Variants in ZNF540 observed in about 807,000 individuals in gnomAD.
ZNF540 encodes CTD-3064H18.6.
In ZNF540, 3 loss-of-function variants were observed where a neutral mutation model predicts 11.8. The ratio of observed to expected loss-of-function variants is 0.25; its 90% CI spans 0.12 to 0.65. The LOEUF (loss-of-function observed/expected upper bound fraction) is 0.65, where lower values mean the gene tolerates loss of function less well. Ranked by LOEUF, ZNF540 falls within the 30% of genes least tolerant of loss-of-function variation. The pLI, the probability that ZNF540 is intolerant of heterozygous loss-of-function variation, is 0.83. For missense variants in ZNF540, 709 were observed against 793.1 expected (o/e 0.89, Z 1.27); for synonymous variants, 247 against 259.0 (o/e 0.95, Z 0.45).
chr19:37,609,331 CAG>C (rs779478572), intron 4 of ZNF540, among the ~76,000 whole-genome samples: 5 of 151,888 alleles, frequency 3.3e-5, no homozygotes, highest in Non-Finnish European at 7.4e-5. Flanking sequence ...ATCACAAGGT[CAG>C]GGGTTTGAGA....
upstream of ZNF540, among the ~76,000 whole-genome samples, chr19:37,591,005 G>A (rs1161997991): frequency 6.6e-6 from 1 of 152,146 alleles, no homozygotes; most frequent in Non-Finnish European, 1.5e-5. Flanking sequence ...ATAAAACAGA[G>A]ATACAAGTAT....
intron 1 of ZNF540, among the ~76,000 whole-genome samples, chr19:37,595,923 G>A (rs1041972375): frequency 3.3e-5 from 5 of 152,148 alleles, no homozygotes; most frequent in African/African-American, 1.2e-4. Context: ...TTCAAGATTT[G>A]AAGGGGGTAA....
chr19:37,558,314 T>C lies in ZNF540; in HGVS notation c.-73+6649T>C, dbSNP rs533952707. ...GCTGACTGATATTCATTCCAGCAAA[T>C]CCCTCCAGTTTTTGGAGTTTTCTTT... On this transcript the variant is annotated intron_variant, in intron 1 of 4. Transcript: ENST00000592533. 9.2e-5 allele frequency among the ~76,000 whole-genome samples: 14 copies of C among 152,276 alleles called. 1 individual carries two copies. In the South Asian group the frequency reaches 2.9e-3, roughly 32 times the overall value.
intron 1 of ZNF540, among the ~76,000 whole-genome samples, chr19:37,579,852 G>A (rs1202891114): frequency 6.6e-6 from 1 of 152,094 alleles, no homozygotes; most frequent in Non-Finnish European, 1.5e-5. Flanking sequence ...GCTGGAGGAG[G>A]AGATCCAATT....
intron 2 of ZNF540, among the ~76,000 whole-genome samples, chr19:37,598,943 T>A (rs1414423330): frequency 1.3e-5 from 2 of 152,184 alleles, no homozygotes; most frequent in Admixed American, 6.5e-5. Context: ...TTAAACGGAA[T>A]GTGCTAGTCT....
chr19:37,559,013 T>G (rs928611390), intron 1 of ZNF540, among the ~76,000 whole-genome samples: 8 of 152,082 alleles, frequency 5.3e-5, no homozygotes, highest in Non-Finnish European at 1.0e-4. Flanking sequence ...CTGGCTAACT[T>G]TTGTATTGTT....
At chr19:37,609,573 C>T (rs1008773800) in intron 4 of ZNF540, among the ~76,000 whole-genome samples, 1 of 150,618 alleles carries the variant, frequency 6.6e-6, no homozygotes, top group Non-Finnish European at 1.5e-5. Flanking sequence ...AGTGGCCGGG[C>T]GCAGTGGCTC....
At chr19:37,586,890 A>C in intron 1 of ZNF540, 1 of 597,236 alleles carries the variant, frequency 1.7e-6, no homozygotes, top group South Asian at 2.1e-5. Flanking sequence ...CAGCTACTGC[A>C]GAAGGGGTTC....
chr19:37,586,014 C>T (rs2043660041), intron 1 of ZNF540: 1 of 152,236 alleles, frequency 6.6e-6, no homozygotes, highest in African/African-American at 2.4e-5. Flanking sequence ...CCTCTAGAAC[C>T]TCCAGAAGGA....
At chr19:37,565,707 G>A (rs756098294) in intron 1 of ZNF540, 7 of 1,613,820 alleles carry the variant, frequency 4.3e-6, no homozygotes, top group Non-Finnish European at 2.5e-6. Context: ...ACTCTCTGAT[G>A]TTCAGTGAGC....
At chr19:37,579,364 G>T (rs1248520062) in intron 1 of ZNF540, among the ~76,000 whole-genome samples, 2 of 152,176 alleles carry the variant, frequency 1.3e-5, no homozygotes, top group Non-Finnish European at 2.9e-5. Flanking sequence ...AGGGCCTGAG[G>T]TCAGACCAAC....
chr19:37,564,527 G>T, intron 1 of ZNF540: 1 of 1,361,494 alleles, frequency 7.3e-7, no homozygotes, highest in Non-Finnish European at 9.7e-7. Context: ...GCAGAAGCAA[G>T]ATGTTCTACA....
Position 37,613,421 on chromosome 19 carries a change from C to T in ZNF540, c.*158C>T. ...AGTTCTCATTAAATTTAGGAAAATT[C>T]ACACTAGAAAATAAAGCTGTTAATG... On this transcript the variant is annotated 3_prime_UTR_variant, in exon 5 of 5. Coordinates refer to ENST00000316433, the MANE Select transcript of ZNF540 (RefSeq NM_001172225.3). The T allele has an allele frequency of 1.9e-6, 1 of 523,372 alleles. No homozygotes were observed. The highest frequency in any genetic ancestry group is 3.1e-6 in the Non-Finnish European group (1 of 321,128). 32.4% of individuals were successfully genotyped at this position (523,372 alleles called of 1,614,324 possible). A position where few individuals can be genotyped will look rare whatever the true frequency, so the allele number is the denominator to read the frequency against.
At chr19:37,598,340 A>T in intron 1 of ZNF540, 36 bp from the exon 2 acceptor site, 1 of 1,058,446 alleles carries the variant, frequency 9.4e-7, no homozygotes, top group Non-Finnish European at 1.4e-6. Context: ...AGGCAGACCT[A>T]GTCTCACTGT....
chr19:37,574,405 A>T (rs2043174267), intron 1 of ZNF540, among the ~76,000 whole-genome samples: 1 of 152,192 alleles, frequency 6.6e-6, no homozygotes, highest in Non-Finnish European at 1.5e-5. Flanking sequence ...AATGTCTTGC[A>T]ATCAGTATTA....
chr19:37,580,277 T>C (rs563312451), intron 1 of ZNF540, among the ~76,000 whole-genome samples: 4 of 152,368 alleles, frequency 2.6e-5, no homozygotes, highest in East Asian at 1.9e-4. Context: ...CCTCATGATA[T>C]ATACTGTGCT....
chr19:37,563,714 T>C (rs1222984885), intron 1 of ZNF540: 2 of 144,510 alleles, frequency 1.4e-5, no homozygotes, highest in South Asian at 2.1e-4. Context: ...AATATATACA[T>C]GTGGAATACA....
intron 1 of ZNF540, among the ~76,000 whole-genome samples, chr19:37,567,405 T>C (rs2042898377): frequency 6.6e-6 from 1 of 152,222 alleles, no homozygotes; most frequent in Non-Finnish European, 1.5e-5. Flanking sequence ...CTAATAATCT[T>C]TCAATGGTTT....
chr19:37,590,435 A>G (rs2043836162), upstream of ZNF540, among the ~76,000 whole-genome samples: 1 of 151,980 alleles, frequency 6.6e-6, no homozygotes, highest in Non-Finnish European at 1.5e-5. Context: ...GAAGAAGAAA[A>G]AAAAAGCTAT....
Sources: gnomAD v4.1 joint callset for allele counts (sites outside exome capture counted in the v4.1 genomes callset) on GRCh38, gnomAD v4.1.1 for gene constraint, MANE v1.5 for transcripts, NCBI Gene and HGNC (gene_info 2026-07-23, HGNC 2026-07-21) for gene names.